Variants in HHAT observed in about 807,000 individuals in gnomAD.
The protein encoded by HHAT is protein-cysteine N-palmitoyltransferase HHAT.
A neutral mutation model predicts 70.8 loss-of-function variants in HHAT; 47 were observed. The observed-to-expected ratio is 0.66, with a 90% confidence interval of 0.53 to 0.85. The LOEUF is 0.85. Among genes scored for constraint, HHAT ranks in the 40% least tolerant of loss-of-function variants. The pLI is 0.00. For synonymous variants in HHAT, 228 were observed against 247.6 expected (o/e 0.92, Z 0.74); for missense variants, 609 against 604.8 (o/e 1.01, Z -0.07).
intron 1 of HHAT, among the ~76,000 whole-genome samples, chr1:210,344,786 T>C (rs933509277): frequency 2.0e-5 from 3 of 151,756 alleles, no homozygotes; most frequent in Non-Finnish European, 4.4e-5. Context: ...CCTGTGAAAA[T>C]CTCCCCTACC....
At chr1:210,427,219 TATTA>T (rs1214366596) in intron 7 of HHAT, among the ~76,000 whole-genome samples, 5 of 152,184 alleles carry the variant, frequency 3.3e-5, no homozygotes, top group Admixed American at 1.3e-4. Flanking sequence ...CTTCTCTCTT[TATTA>T]GTCTAGTTAG....
At chr1:210,330,864 G>C (rs889289745) in intron 1 of HHAT, among the ~76,000 whole-genome samples, 2 of 152,176 alleles carry the variant, frequency 1.3e-5, no homozygotes, top group African/African-American at 4.8e-5. Context: ...GGTCACCCAG[G>C]CTGGAGTGCA....
At chr1:210,529,393 A>G (rs1286118321) in intron 9 of HHAT, among the ~76,000 whole-genome samples, 2 of 152,062 alleles carry the variant, frequency 1.3e-5, no homozygotes, top group Non-Finnish European at 2.9e-5. Flanking sequence ...GAATTAAGCA[A>G]GCTATGAGAA....
intron 9 of HHAT, among the ~76,000 whole-genome samples, chr1:210,555,739 C>T (rs981249577): frequency 3.3e-5 from 5 of 152,196 alleles, no homozygotes; most frequent in African/African-American, 1.2e-4. Context: ...TGACAGACAT[C>T]CGGGACAGAA....
At chr1:210,605,096 T>C (rs1665115008) in intron 10 of HHAT, among the ~76,000 whole-genome samples, 1 of 152,188 alleles carries the variant, frequency 6.6e-6, no homozygotes, top group Admixed American at 6.5e-5. Flanking sequence ...AGGGCTGTTG[T>C]AGTTGCCACC....
intron 7 of HHAT, among the ~76,000 whole-genome samples, chr1:210,445,092 C>A (rs1419936810): frequency 6.6e-6 from 1 of 152,180 alleles, no homozygotes; most frequent in Admixed American, 6.5e-5. Context: ...CCTGACTCGG[C>A]CTCCCAAAGT....
intron 8 of HHAT, among the ~76,000 whole-genome samples, chr1:210,466,803 A>G (rs530019577): frequency 4.3e-4 from 65 of 151,884 alleles, no homozygotes; most frequent in Non-Finnish European, 2.9e-4. Context: ...CTTCAGTTCT[A>G]TATCAACCAC....
At chr1:210,484,429 A>G (rs756954428) in intron 8 of HHAT, among the ~76,000 whole-genome samples, 26 of 151,910 alleles carry the variant, frequency 1.7e-4, no homozygotes, top group Non-Finnish European at 2.8e-4. Flanking sequence ...TGCCCATTAG[A>G]GATGTTAATT....
chr1:210,620,948 A>G (rs916772120), intron 10 of HHAT, among the ~76,000 whole-genome samples: 6 of 151,822 alleles, frequency 4.0e-5, no homozygotes, highest in African/African-American at 1.5e-4. Context: ...GTAGCTTAGA[A>G]TATGGGGGTA....
intron 7 of HHAT, among the ~76,000 whole-genome samples, chr1:210,436,280 A>T (rs148748402): frequency 6.6e-6 from 1 of 150,566 alleles, no homozygotes; most frequent in East Asian, 1.9e-4. Flanking sequence ...GTATGCATGG[A>T]TTTATATCTG....
intron 6 of HHAT, among the ~76,000 whole-genome samples, chr1:210,411,737 C>A (rs1371018120): frequency 6.6e-6 from 1 of 152,058 alleles, no homozygotes; most frequent in Non-Finnish European, 1.5e-5. Context: ...TAGAGTGACA[C>A]CCTGTGTCAT....
At chr1:210,562,656 TC>T (rs59165557) in intron 9 of HHAT, among the ~76,000 whole-genome samples, 7,136 of 151,544 alleles carry the variant, frequency 0.047, 516 homozygotes, top group African/African-American at 0.16. Context: ...TTTTTTCTTT[TC>T]TTTTTTTTTT....
chr1:210,673,364 AAC>A (rs1040491185), intron 11 of HHAT, among the ~76,000 whole-genome samples: 2 of 152,148 alleles, frequency 1.3e-5, no homozygotes, highest in African/African-American at 2.4e-5. Context: ...TAAAAAAAAA[AAC>A]ACACAACGGT....
At chr1:210,439,578 A>G (rs1317456972) in intron 7 of HHAT, 1 of 151,938 alleles carries the variant, frequency 6.6e-6, no homozygotes, top group Non-Finnish European at 1.5e-5. Flanking sequence ...GAGTTTTGCT[A>G]ATGTAAAGTA....
chr1:210,674,407 T>C lies in HHAT; in HGVS notation c.*28T>C, dbSNP rs750545864. 2.0e-5 allele frequency: 31 copies of C among 1,575,684 alleles called. No individual in the cohort carries two copies. The highest frequency in any genetic ancestry group is 2.6e-5 in the Non-Finnish European group (30 of 1,145,608). On this transcript the variant is annotated 3_prime_UTR_variant, in exon 12 of 12. Transcript: ENST00000261458. ...CTGTTGGGCCCAGGCCAGTCCTTGT[T>C]GCTGGCCTCCAAGGCAAATAGTGCT...
chr1:210,486,966 GT>G (rs556383077), intron 8 of HHAT, among the ~76,000 whole-genome samples: 140 of 152,260 alleles, frequency 9.2e-4, no homozygotes, highest in Admixed American at 2.6e-3. Context: ...GGATAATGAA[GT>G]CCCCAGTCAC....
chr1:210,577,086 A>G (rs957264589), intron 9 of HHAT, among the ~76,000 whole-genome samples: 1 of 146,646 alleles, frequency 6.8e-6, no homozygotes, highest in African/African-American at 2.5e-5. Flanking sequence ...TTTTTTTTGC[A>G]GTCTTTAGGG....
At chr1:210,509,544 C>A (rs2094918837) in intron 8 of HHAT, among the ~76,000 whole-genome samples, 1 of 152,208 alleles carries the variant, frequency 6.6e-6, no homozygotes, top group African/African-American at 2.4e-5. Flanking sequence ...GCTTCTGTTT[C>A]TTCCTCTGTG....
chr1:210,581,485 G>C (rs1287758430), intron 9 of HHAT, among the ~76,000 whole-genome samples: 1 of 152,220 alleles, frequency 6.6e-6, no homozygotes, highest in East Asian at 1.9e-4. Context: ...TCAGGGCCCA[G>C]ATGGAGCCAA....
Sources: allele counts gnomAD v4.1 joint callset (sites outside exome capture counted in the v4.1 genomes callset), GRCh38; gene constraint gnomAD v4.1.1; transcripts MANE v1.5; gene names NCBI Gene and HGNC (gene_info 2026-07-23, HGNC 2026-07-21).